The following FADS3 variants were observed in gnomAD, a reference collection of about 807,000 sequenced individuals.
FADS3 encodes fatty acid desaturase 3.
Under a neutral mutation model 60.4 loss-of-function variants are expected in FADS3, and 30 were observed. The observed-to-expected ratio is 0.50, with a 90% CI of 0.37 to 0.67. The LOEUF (loss-of-function observed/expected upper bound fraction) is 0.67. Among genes scored for constraint, FADS3 ranks in the 30% least tolerant of loss-of-function variants. The pLI, the probability that FADS3 is intolerant of heterozygous loss-of-function variation, is 0.00. For synonymous variants in FADS3, 234 were observed against 249.3 expected (o/e 0.94, Z 0.58); for missense variants, 432 against 598.3 (o/e 0.72, Z 2.90).
At chr11:61,875,131 T>C (rs1937819346) in intron 11 of FADS3, among the ~76,000 whole-genome samples, 1 of 152,228 alleles carries the variant, frequency 6.6e-6, no homozygotes. Context: ...GGGTTCACCC[T>C]AAAAGCTTGC....
chr11:61,877,458 C>A lies in FADS3; in HGVS notation c.885+53G>T, dbSNP rs886469969. 1.9e-6 allele frequency: 3 copies of A among 1,564,756 alleles called. No individual in the cohort carries two copies. Among genetic ancestry groups the A allele is most frequent in the South Asian group, 2.2e-5 (2 of 90,212 alleles). Reference sequence around the variant, plus strand: ...TGGGCAGGTACTGTCCCCCGAGGCACCACCTCCTGCCACGGCAGCCGTATG... The same window carrying A: ...TGGGCAGGTACTGTCCCCCGAGGCAACACCTCCTGCCACGGCAGCCGTATG... On this transcript the variant is annotated intron_variant, in intron 7 of 11. Transcript: ENST00000278829. The surrounding 1 kb of genome is among the most constrained non-coding windows in gnomAD (Gnocchi z 4.7).
chr11:61,878,684 CCA>C, intron 4 of FADS3, 50 bp from the exon 5 acceptor site: 1 of 1,612,750 alleles, frequency 6.2e-7, no homozygotes, highest in African/African-American at 1.3e-5. Context: ...CCGACTGTGC[CCA>C]CACACTTGGG....
At position 61,880,142 on chromosome 11, in the gene FADS3, G is replaced by C. The variant is rs780438558; in HGVS notation, c.223C>G (p.Arg75Gly). The C allele has an allele frequency of 1.9e-6, 3 of 1,613,908 alleles. No individual in the cohort carries two copies. The highest frequency in any genetic ancestry group is 2.5e-6 in the Non-Finnish European group (3 of 1,179,838). The change falls in exon 2 of 12, where the codon CGT becomes GGT. Residue 75 changes from arginine to glycine, a missense_variant. Coordinates refer to ENST00000278829, the MANE Select transcript of FADS3 (RefSeq NM_021727.5). ...AAATTGAGATCTTGATGGAAGGCAC[G>C]GAAGGCATCCTGAAGGAGAGCAGAC... ...HGAEDATDAF[R>G]AFHQDLNFVR... is the part of the protein sequence containing the mutation.
rs866390788 is a variant in FADS3 at position 61,880,095 on chromosome 11, G to A, written c.270C>T (p.Pro90=). 5 of 1,614,114 alleles carry A rather than the reference G, an allele frequency of 3.1e-6. No individual in the cohort carries two copies. The highest frequency in any genetic ancestry group is 1.7e-4 in the Middle Eastern group (1 of 6,060). The stretch of plus-strand genomic sequence containing the variant: ...CCGGAGCCAGCTCTCCAATCAACAG[G>A]GGCTGTAGGAACTTGCGCACAAAAT... ...DLNFVRKFLQ[P]LLIGELAPEE... The change falls in exon 2 of 12, where the codon CCC becomes CCT. Residue 90 remains proline (P), a synonymous_variant. Transcript: ENST00000278829.
In FADS3 at chr11:61,876,458, G is replaced by A. The variant is rs1449368633; in HGVS notation, c.984-3C>T. 6.2e-7 allele frequency: 1 copy of A among 1,613,058 alleles called. No homozygotes were observed. The highest frequency in any genetic ancestry group is 1.1e-5 in the South Asian group (1 of 91,078). On this transcript the variant is annotated splice_region_variant and splice_polypyrimidine_tract_variant and intron_variant, in intron 8 of 11. Coordinates refer to ENST00000278829, the MANE Select transcript of FADS3 (RefSeq NM_021727.5). The surrounding 1 kb of genome is among the most constrained non-coding windows in gnomAD (Gnocchi z 5.7). Reference sequence around the variant, plus strand: ...CGAACCAGTGGCTTTCCAGGACCCTGTGGGGAGGCTCGGGCACTGCCCTAG... The same window carrying A: ...CGAACCAGTGGCTTTCCAGGACCCTATGGGGAGGCTCGGGCACTGCCCTAG...
Position 61,876,224 on chromosome 11 carries a change from C to A in FADS3, c.1081-34G>T, listed in dbSNP as rs201354889. 1.8e-5 allele frequency: 28 copies of A among 1,581,830 alleles called. No individual in the cohort carries two copies. In the African/African-American group the frequency reaches 3.5e-4, roughly 20 times the overall value. On this transcript the variant is annotated intron_variant, in intron 9 of 11. Transcript: ENST00000278829. This position sits in a 1 kb window ranked among gnomAD's most constrained non-coding sequence, Gnocchi z 5.7. The stretch of plus-strand genomic sequence containing the variant: ...AGCCGGCGGGGCACATGTGAGGAGG[C>A]CGTTGCAGATCCCTGACCCCACGGC...
At chr11:61,883,980 G>A (rs186473290) in intron 1 of FADS3, among the ~76,000 whole-genome samples, 1 of 152,356 alleles carries the variant, frequency 6.6e-6, no homozygotes, top group Non-Finnish European at 1.5e-5. Flanking sequence ...CTCAGAGCTG[G>A]GTGGGCACCC....
At chr11:61,890,956 G>A (rs1016171146) in intron 1 of FADS3, among the ~76,000 whole-genome samples, 2 of 152,220 alleles carry the variant, frequency 1.3e-5, no homozygotes, top group African/African-American at 4.8e-5. Flanking sequence ...CCTGCTCCGT[G>A]GACAGCTGCG....
chr11:61,876,063 C>A lies in FADS3; in HGVS notation c.1160+48G>T. 3.7e-6 allele frequency: 6 copies of A among 1,609,548 alleles called. No homozygotes were observed. The highest frequency in any genetic ancestry group is 5.1e-6 in the Non-Finnish European group (6 of 1,178,000). ...ACGGGTCCCCTCCCAGGATCCCCTC[C>A]CAGGACCCCCTCCCCACCTCCCACT... On this transcript the variant is annotated intron_variant, in intron 10 of 11. Transcript: ENST00000278829. The surrounding 1 kb of genome is among the most constrained non-coding windows in gnomAD (Gnocchi z 5.7).
intron 1 of FADS3, among the ~76,000 whole-genome samples, chr11:61,889,765 G>C (rs1938435030): frequency 6.6e-6 from 1 of 152,246 alleles, no homozygotes; most frequent in African/African-American, 2.4e-5. Context: ...GGAGGCTGAG[G>C]CAGGAGGAAT....
rs1316036948 is a variant in FADS3, at chr11:61,877,177, G to A, written c.886-214C>T. The A allele has an allele frequency of 1.8e-6, 1 of 555,644 alleles. No homozygotes were observed. The highest frequency in any genetic ancestry group is 3.1e-5 in the East Asian group (1 of 32,692). The allele number at this position is 555,644 out of a possible 1,614,324, so 34.4% of individuals were successfully genotyped here. A position where few individuals can be genotyped will look rare whatever the true frequency, so the allele number is the denominator to read the frequency against. On this transcript the variant is annotated intron_variant, in intron 7 of 11. Coordinates refer to ENST00000278829, the MANE Select transcript of FADS3 (RefSeq NM_021727.5). This position sits in a 1 kb window ranked among gnomAD's most constrained non-coding sequence, Gnocchi z 4.7. ...CACGAGGCTGATTTTAGTGACGAAG[G>A]TGTCATGCAGGGTGTGTTGGGGAAG...
chr11:61,885,404 G>C (rs1300967776), intron 1 of FADS3, among the ~76,000 whole-genome samples: 1 of 152,206 alleles, frequency 6.6e-6, no homozygotes, highest in East Asian at 1.9e-4. Context: ...TGCAGTCGGT[G>C]GCGCTAAAGC....
chr11:61,888,574 CT>C (rs1169508221), intron 1 of FADS3, among the ~76,000 whole-genome samples: 1 of 152,226 alleles, frequency 6.6e-6, no homozygotes, highest in African/African-American at 2.4e-5. Context: ...CCCTTTCCTA[CT>C]TCAGATAGGA....
At chr11:61,890,768 G>C (rs1273627639) in intron 1 of FADS3, among the ~76,000 whole-genome samples, 1 of 152,182 alleles carries the variant, frequency 6.6e-6, no homozygotes, top group Non-Finnish European at 1.5e-5. Flanking sequence ...GCCTCTAATG[G>C]CATGTCCTTA....
intron 2 of FADS3, 108 bp from the exon 3 acceptor site, chr11:61,879,617 AAGAGGAATG>A: frequency 9.3e-7 from 1 of 1,076,360 alleles, no homozygotes; most frequent in Non-Finnish European, 1.3e-6. Flanking sequence ...GGTGTGGGCA[AAGAGGAATG>A]AAGTGACAAG....
chr11:61,876,250 A>C lies in FADS3; in HGVS notation c.1081-60T>G. ...CGTTGCAGATCCCTGACCCCACGGC[A>C]CCATCCCCCACCTGGCAGCCCCGTC... is the stretch of plus-strand genomic sequence containing the variant. On this transcript the variant is annotated intron_variant, in intron 9 of 11. Coordinates refer to ENST00000278829, the MANE Select transcript of FADS3 (RefSeq NM_021727.5). The surrounding 1 kb of genome is among the most constrained non-coding windows in gnomAD (Gnocchi z 5.7). 1 of 1,571,224 alleles carries C rather than the reference A, an allele frequency of 6.4e-7. No homozygotes were observed. Among genetic ancestry groups the C allele is most frequent in the Non-Finnish European group, 8.7e-7 (1 of 1,155,642 alleles).
chr11:61,878,637 G>A lies in FADS3; in HGVS notation c.625-3C>T. The A allele has an allele frequency of 3.7e-6, 6 of 1,614,112 alleles. No homozygotes were observed. The East Asian group carries it at 6.7e-5, about 18-fold the overall frequency. On this transcript the variant is annotated splice_region_variant and splice_polypyrimidine_tract_variant and intron_variant, in intron 4 of 11. Transcript: ENST00000278829. ...TTCCACCAGTGGGCGGAGAAGCCCT[G>A]TGGAGGAGGAGGGGGCTCTCAGGGC... is the stretch of plus-strand genomic sequence containing the variant.
At chr11:61,879,686 C>T (rs1028835243) in intron 2 of FADS3, among the ~76,000 whole-genome samples, 177 bp from the exon 3 acceptor site, 1 of 152,188 alleles carries the variant, frequency 6.6e-6, no homozygotes. Flanking sequence ...GGTGAAGCCT[C>T]CTCTCCCTCC....
rs1234534121 is a variant in FADS3 at position 61,878,596 on chromosome 11, C to T, written c.663G>A (p.Gln221=). The change falls in exon 5 of 12, where the codon CAG becomes CAA. Residue 221 remains glutamine, a synonymous_variant. Coordinates refer to ENST00000278829, the MANE Select transcript of FADS3 (RefSeq NM_021727.5). ...SAHWWNFRHF[Q]HHAKPNIFHK... is the part of the protein sequence containing the mutation. ...GGAAGATGTTGGGCTTGGCGTGGTG[C>T]TGGAAGTGGCGGAAGTTCCACCAGT... The T allele has an allele frequency of 6.2e-7, 1 of 1,614,160 alleles. No homozygotes were observed. The highest frequency in any genetic ancestry group is 8.5e-7 in the Non-Finnish European group (1 of 1,180,020).
Sources: gnomAD v4.1 joint callset for allele counts (sites outside exome capture counted in the v4.1 genomes callset) on GRCh38, gnomAD v4.1.1 for gene constraint, Gnocchi (gnomAD v3.1) non-coding constraint, MANE v1.5 for transcripts, NCBI Gene and HGNC (gene_info 2026-07-23, HGNC 2026-07-21) for gene names.